Variants in DPP6 observed in about 807,000 individuals in gnomAD.
The protein encoded by DPP6 is dipeptidyl peptidase like 6, also known as A-type potassium channel modulatory protein DPP6.
DPP6 carries 69 observed loss-of-function variants against 122.6 expected under a neutral mutation model. The ratio of observed to expected loss-of-function variants is 0.56; its 90% CI spans 0.46 to 0.69. The LOEUF is 0.69. Among genes scored for constraint, DPP6 ranks in the 30% least tolerant of loss-of-function variants. The pLI is 0.00. For synonymous variants in DPP6, 418 were observed against 433.1 expected, an observed-to-expected ratio of 0.97 and a Z score of 0.43; for missense variants, 928 against 1,116.9, an observed-to-expected ratio of 0.83 and a Z score of 2.41.
chr7:154,544,539 C>T (rs73729331), intron 4 of DPP6, among the ~76,000 whole-genome samples: 1 of 152,310 alleles, frequency 6.6e-6, no homozygotes, highest in African/African-American at 2.4e-5. Context: ...AATAACAAAA[C>T]AATAGAGTTG....
the DPP6 span, among the ~76,000 whole-genome samples, chr7:153,769,598 T>C: frequency 6.6e-6 from 1 of 152,100 alleles, no homozygotes; most frequent in African/African-American, 2.4e-5. Flanking sequence ...TTCTAGGAGA[T>C]TTAAACTTGG....
At chr7:154,262,052 A>G (rs149593385) in intron 1 of DPP6, among the ~76,000 whole-genome samples, 1 of 152,020 alleles carries the variant, frequency 6.6e-6, no homozygotes, top group African/African-American at 2.4e-5. Context: ...AGGAGAAAGA[A>G]GAGAGCTGGA....
intron 1 of DPP6, among the ~76,000 whole-genome samples, chr7:154,170,524 C>T (rs1190659614): frequency 4.6e-5 from 7 of 152,194 alleles, no homozygotes; most frequent in Non-Finnish European, 1.0e-4. Flanking sequence ...CTGCTCATTA[C>T]AGGGGCAGAC....
At chr7:153,980,843 G>A (rs1247384682) in intron 1 of DPP6, among the ~76,000 whole-genome samples, 1 of 152,312 alleles carries the variant, frequency 6.6e-6, no homozygotes, top group Middle Eastern at 3.4e-3. Context: ...CAGTTTCCAT[G>A]TAGTTGTGCA....
chr7:153,820,058 G>C, the DPP6 span, among the ~76,000 whole-genome samples: 1 of 152,150 alleles, frequency 6.6e-6, no homozygotes, highest in Admixed American at 6.5e-5. Context: ...TTCAGGGAAT[G>C]ATATTTTCAT....
At chr7:154,649,574 T>G (rs1836734953) in intron 6 of DPP6, among the ~76,000 whole-genome samples, 1 of 152,182 alleles carries the variant, frequency 6.6e-6, no homozygotes, top group South Asian at 2.1e-4. Context: ...GCAGGTGGAA[T>G]CCACCATGCC....
chr7:154,540,647 C>T, intron 4 of DPP6, 21 bp downstream of exon 4: 1 of 1,406,022 alleles, frequency 7.1e-7, no homozygotes, highest in Admixed American at 2.4e-5. Context: ...TCTTTAATGA[C>T]CGGGATAATT....
At chr7:154,716,954 C>T (rs545295131) in intron 7 of DPP6, among the ~76,000 whole-genome samples, 1 of 152,206 alleles carries the variant, frequency 6.6e-6, no homozygotes, top group Non-Finnish European at 1.5e-5. Flanking sequence ...CTGCCTCAGC[C>T]TCCCAAGTAA....
intron 7 of DPP6, among the ~76,000 whole-genome samples, chr7:154,721,138 A>AT (rs1040711210): frequency 2.6e-5 from 4 of 152,258 alleles, no homozygotes; most frequent in African/African-American, 9.6e-5. Flanking sequence ...GGTCTGGTGC[A>AT]TTTTTGGTTA....
intron 10 of DPP6, among the ~76,000 whole-genome samples, chr7:154,779,941 A>G (rs574641588): frequency 6.6e-6 from 1 of 152,312 alleles, no homozygotes; most frequent in African/African-American, 2.4e-5. Context: ...GTCTGGATGT[A>G]AATTACAATT....
intron 1 of DPP6, among the ~76,000 whole-genome samples, chr7:153,895,187 G>T (rs1799355933): frequency 6.6e-6 from 1 of 152,104 alleles, no homozygotes; most frequent in South Asian, 2.1e-4. Context: ...TCTATTATGT[G>T]TCTGAGGTCC....
intron 1 of DPP6, chr7:154,026,527 G>A (rs929424303): frequency 1.3e-5 from 2 of 152,176 alleles, no homozygotes; most frequent in African/African-American, 4.8e-5. Context: ...GCTCAAGCCT[G>A]GGCCTGGAGT....
intron 7 of DPP6, among the ~76,000 whole-genome samples, chr7:154,690,430 G>A (rs993945402): frequency 9.2e-5 from 14 of 152,148 alleles, no homozygotes; most frequent in Non-Finnish European, 1.5e-5. Context: ...ATCTGACTTT[G>A]TAGAAAGCAG....
chr7:154,137,645 G>GT (rs1795625767), intron 1 of DPP6, among the ~76,000 whole-genome samples: 1 of 51,066 alleles, frequency 2.0e-5, no homozygotes. Flanking sequence ...AGATGGTGGG[G>GT]GGGGTGGGGG....
chr7:154,772,904 T>C lies in DPP6; in HGVS notation c.1098T>C (p.His366=), dbSNP rs1796330621. 2 of 1,612,060 alleles carry C rather than the reference T, an allele frequency of 1.2e-6. No individual in the cohort carries two copies. Among genetic ancestry groups the C allele is most frequent in the Non-Finnish European group, 1.7e-6 (2 of 1,179,332 alleles). Residue 366 remains histidine, a synonymous_variant, in exon 10 of 26, where the codon CAT becomes CAC. Coordinates refer to ENST00000377770, the MANE Select transcript of DPP6 (RefSeq NM_130797.4). ...LHVIGLNGPT[H]DLEMMPPDDP... ...TTATTGGCTTAAATGGACCCACCCA[T>C]GATCTGGAGATGATGCCGCCTGATG...
At chr7:153,910,234 C>CT (rs111816561) in intron 1 of DPP6, among the ~76,000 whole-genome samples, 12,355 of 137,682 alleles carry the variant, frequency 0.09, 720 homozygotes, top group East Asian at 0.14. Context: ...TTCTTTCTTT[C>CT]TTTTTTTTTT....
intron 7 of DPP6, among the ~76,000 whole-genome samples, chr7:154,688,059 A>T (rs1839727293): frequency 6.6e-6 from 1 of 152,236 alleles, no homozygotes; most frequent in African/African-American, 2.4e-5. Context: ...ACACGTTCTT[A>T]CTACAGCTTC....
intron 1 of DPP6, among the ~76,000 whole-genome samples, chr7:154,159,250 G>A (rs1161562478): frequency 1.3e-5 from 2 of 152,104 alleles, no homozygotes; most frequent in African/African-American, 2.4e-5. Context: ...GTTCATCCTC[G>A]CCAGGTACTT....
At chr7:153,953,197 T>A (rs1420345325) in intron 1 of DPP6, among the ~76,000 whole-genome samples, 1 of 152,198 alleles carries the variant, frequency 6.6e-6, no homozygotes, top group East Asian at 1.9e-4. Context: ...TTTTTTAAAA[T>A]CTTCCTTTAA....
Sources: allele counts gnomAD v4.1 joint callset (sites outside exome capture counted in the v4.1 genomes callset), GRCh38; gene constraint gnomAD v4.1.1; transcripts MANE v1.5; gene names NCBI Gene and HGNC (gene_info 2026-07-23, HGNC 2026-07-21).